CAMTA1: variants seen among roughly 807,000 people sequenced by gnomAD.
CAMTA1 encodes calmodulin-binding transcription activator 1.
Under a neutral mutation model 170.9 loss-of-function variants are expected in CAMTA1, and 27 were observed. That is an observed-to-expected ratio of 0.16 (90% CI 0.12 to 0.22). The LOEUF is 0.22. Among genes scored for constraint, CAMTA1 ranks in the 10% least tolerant of loss-of-function variants. The probability of loss-of-function intolerance (pLI) is 1.00; values close to 1 mark genes in which losing one functional copy is unlikely to be tolerated. For missense variants in CAMTA1, 1,619 were observed against 2,217.2 expected, an observed-to-expected ratio of 0.73 and a Z score of 5.42; for synonymous variants, 833 against 891.5, an observed-to-expected ratio of 0.93 and a Z score of 1.17.
chr1:7,005,390 G>A (rs1191218983), intron 3 of CAMTA1, among the ~76,000 whole-genome samples: 1 of 152,190 alleles, frequency 6.6e-6, no homozygotes, highest in Admixed American at 6.5e-5. Context: ...TCAGTTCTTT[G>A]GGAAAAATAG....
chr1:7,376,334 A>C (rs1455685097), intron 5 of CAMTA1, among the ~76,000 whole-genome samples: 1 of 152,160 alleles, frequency 6.6e-6, no homozygotes, highest in Non-Finnish European at 1.5e-5. Flanking sequence ...TCTAAGTGGA[A>C]CTCTGCATTG....
At chr1:6,955,471 A>C (rs1689293178) in intron 3 of CAMTA1, among the ~76,000 whole-genome samples, 1 of 151,996 alleles carries the variant, frequency 6.6e-6, no homozygotes, top group Non-Finnish European at 1.5e-5. Flanking sequence ...GGGGGCTTTG[A>C]CTCAGATCTG....
At chr1:6,847,854 T>C (rs958105852) in intron 3 of CAMTA1, among the ~76,000 whole-genome samples, 5 of 150,642 alleles carry the variant, frequency 3.3e-5, no homozygotes, top group African/African-American at 9.8e-5. Context: ...CAGGCACGCA[T>C]GTGGCACCCA....
intron 2 of CAMTA1, among the ~76,000 whole-genome samples, chr1:6,824,154 A>G (rs1646846583): frequency 6.6e-6 from 1 of 152,158 alleles, no homozygotes; most frequent in African/African-American, 2.4e-5. Context: ...CTTAGTACCT[A>G]GTTATGTGTA....
intron 6 of CAMTA1, among the ~76,000 whole-genome samples, chr1:7,520,905 GA>G (rs34403132): frequency 0.18 from 27,589 of 151,882 alleles, 3,197 homozygotes; most frequent in East Asian, 0.45. Context: ...CCTCCAGACA[GA>G]CAGTCACACA....
rs998014109 is a variant in CAMTA1 at position 7,685,634 on chromosome 1, T to C, written c.2914+7901T>C. Among the ~76,000 whole-genome samples the C allele has an allele frequency of 1.3e-5, 2 of 152,076 alleles. No individual in the cohort carries two copies. Among genetic ancestry groups the C allele is most frequent in the African/African-American group, 4.8e-5 (2 of 41,408 alleles). ...TCTCTGTCATGTCCCCATGGCCGGCTCTCTCCTGACTACTCTCTTCTCCCT... is the reference window on the plus strand; with the variant it reads ...TCTCTGTCATGTCCCCATGGCCGGCCCTCTCCTGACTACTCTCTTCTCCCT... On this transcript the variant is annotated intron_variant, in intron 11 of 22. Transcript: ENST00000303635. The surrounding 1 kb of genome is among the most constrained non-coding windows in gnomAD (Gnocchi z 5.7).
intron 1 of CAMTA1, among the ~76,000 whole-genome samples, chr1:6,807,836 G>A (rs953923855): frequency 6.6e-6 from 1 of 151,990 alleles, no homozygotes; most frequent in Non-Finnish European, 1.5e-5. Context: ...GAAATTAGGA[G>A]TCATTTCTGT....
intron 3 of CAMTA1, among the ~76,000 whole-genome samples, chr1:6,952,159 G>A (rs1391654660): frequency 6.6e-6 from 1 of 152,168 alleles, no homozygotes; most frequent in Non-Finnish European, 1.5e-5. Context: ...GGCCGGGCAC[G>A]GTGGCTCACG....
At chr1:6,788,731 G>A (rs1238070344) in intron 1 of CAMTA1, among the ~76,000 whole-genome samples, 1 of 152,068 alleles carries the variant, frequency 6.6e-6, no homozygotes, top group African/African-American at 2.4e-5. Context: ...CTGGTAAGCA[G>A]GGGGCTCCGT....
intron 3 of CAMTA1, among the ~76,000 whole-genome samples, chr1:6,892,130 A>G (rs961094660): frequency 6.6e-6 from 1 of 152,248 alleles, no homozygotes; most frequent in Non-Finnish European, 1.5e-5. Flanking sequence ...ATTCATATAC[A>G]TAATCATTCT....
At chr1:7,382,070 GTGCC>G (rs1285978494) in intron 5 of CAMTA1, among the ~76,000 whole-genome samples, 3 of 152,186 alleles carry the variant, frequency 2.0e-5, no homozygotes, top group Non-Finnish European at 2.9e-5. Context: ...TCAAGCCATA[GTGCC>G]TGCATTCCAG....
intron 6 of CAMTA1, among the ~76,000 whole-genome samples, chr1:7,493,694 C>T (rs1009960838): frequency 2.6e-5 from 4 of 151,978 alleles, no homozygotes; most frequent in Non-Finnish European, 4.4e-5. Flanking sequence ...GGACATTGCC[C>T]ACTCTGTAAA....
intron 1 of CAMTA1, among the ~76,000 whole-genome samples, chr1:6,786,385 A>G (rs1639368951): frequency 6.6e-6 from 1 of 151,930 alleles, no homozygotes; most frequent in Non-Finnish European, 1.5e-5. Flanking sequence ...GAGGATCTCC[A>G]CACTCCCTTG....
At position 7,464,770 on chromosome 1, in the gene CAMTA1, G is replaced by A. The variant is rs75117920; in HGVS notation, c.439-3060G>A. On this transcript the variant is annotated intron_variant, in intron 5 of 22. Transcript: ENST00000303635. ...TCACGGGGGGTCCAAGGAGCATCCC[G>A]AGGGTTCCATTGCTGCATAAGCTCT... is the stretch of plus-strand genomic sequence containing the variant. Among the ~76,000 whole-genome samples the A allele has an allele frequency of 1.2e-3, 189 of 152,224 alleles. 4 individuals are homozygous for A. The East Asian group carries it at 0.025, about 20-fold the overall frequency.
chr1:6,793,571 G>C (rs1262770875), intron 1 of CAMTA1, among the ~76,000 whole-genome samples: 1 of 152,158 alleles, frequency 6.6e-6, no homozygotes, highest in Non-Finnish European at 1.5e-5. Flanking sequence ...TATACTTTCA[G>C]CTAAATTTAG....
intron 3 of CAMTA1, among the ~76,000 whole-genome samples, chr1:6,870,663 A>G (rs1161119036): frequency 5.3e-5 from 8 of 152,204 alleles, no homozygotes; most frequent in Admixed American, 5.2e-4. Context: ...AAGAAATGGC[A>G]AGTGGGAACT....
Position 7,044,162 on chromosome 1 carries a change from C to T in CAMTA1, c.235-47142C>T, listed in dbSNP as rs1207861451. Among the ~76,000 whole-genome samples, 3 of 152,246 alleles carry T rather than the reference C, an allele frequency of 2.0e-5. No homozygotes were observed. Among genetic ancestry groups the T allele is most frequent in the African/African-American group, 7.2e-5 (3 of 41,462 alleles). ...GGCACGTGGGTGTCACATATGCACA[C>T]ACATGCATGCACAGCGCATGGCTGG... On this transcript the variant is annotated intron_variant, in intron 3 of 22. Transcript: ENST00000303635. This position sits in a 1 kb window ranked among gnomAD's most constrained non-coding sequence, Gnocchi z 5.0.
chr1:7,513,843 A>C (rs936319777), intron 6 of CAMTA1, among the ~76,000 whole-genome samples: 2 of 152,082 alleles, frequency 1.3e-5, no homozygotes, highest in Admixed American at 1.3e-4. Flanking sequence ...AATCACTTGA[A>C]CCTGGGAGGC....
chr1:6,922,860 G>A (rs971279066), intron 3 of CAMTA1, among the ~76,000 whole-genome samples: 27 of 152,132 alleles, frequency 1.8e-4, no homozygotes, highest in African/African-American at 7.2e-5. Flanking sequence ...AATTTGGAGC[G>A]CTGGGATCTT....
Sources: gnomAD v4.1 joint callset for allele counts (sites outside exome capture counted in the v4.1 genomes callset) on GRCh38, gnomAD v4.1.1 for gene constraint, Gnocchi (gnomAD v3.1) non-coding constraint, MANE v1.5 for transcripts, NCBI Gene and HGNC (gene_info 2026-07-23, HGNC 2026-07-21) for gene names.